The following H2BC18 variants were observed in gnomAD, a reference collection of about 807,000 sequenced individuals.
The protein encoded by H2BC18 is histone H2B type 2-F.
In H2BC18, 8 loss-of-function variants were observed where a neutral mutation model predicts 6.3. The ratio of observed to expected loss-of-function variants is 1.28; its 90% confidence interval spans 0.75 to 2.31. The LOEUF is 2.31. H2BC18 is among the 30% of genes most tolerant of loss of function. The pLI is 0.00. For missense variants in H2BC18, 106 were observed against 174.5 expected, an observed-to-expected ratio of 0.61 and a Z score of 2.21; for synonymous variants, 104 against 78.1, an observed-to-expected ratio of 1.33 and a Z score of -1.75.
At chr1:149,793,917 A>G in intron 1 of H2BC18, 1 of 1,286,440 alleles carries the variant, frequency 7.8e-7, no homozygotes, top group Non-Finnish European at 1.0e-6. Context: ...TCCTAGCTAA[A>G]TGCCTTCAGG....
At position 149,800,522 on chromosome 1, in the gene H2BC18, AACG is replaced by A. The variant is rs587748738; in HGVS notation, c.377+11422_377+11424del. 1.7e-3 allele frequency among the ~76,000 whole-genome samples: 243 copies of A among 143,208 alleles called. 2 individuals carry two copies. The highest frequency in any genetic ancestry group is 6.1e-3 in the African/African-American group (234 of 38,124). The allele number at this position is 143,208 out of a possible 152,430, so 94.0% of individuals were successfully genotyped here. A position where few individuals can be genotyped will look rare whatever the true frequency, so the allele number is the denominator to read the frequency against. ...CATCAGTCAACTCATTAATAAACAA[AACG>A]ACATCACACTTTGGTGTTTCTAAGG... On this transcript the variant is annotated intron_variant, in intron 1 of 1. Transcript: ENST00000545683.
intron 1 of H2BC18, among the ~76,000 whole-genome samples, chr1:149,799,527 C>T (rs2091839455): frequency 6.6e-6 from 1 of 151,998 alleles, no homozygotes; most frequent in Non-Finnish European, 1.5e-5. Context: ...TTGCATACTA[C>T]ACAATAGTAG....
intron 1 of H2BC18, chr1:149,793,294 G>C: frequency 8.4e-7 from 1 of 1,190,956 alleles, no homozygotes; most frequent in Non-Finnish European, 1.1e-6. Context: ...CCGCCTCCCC[G>C]TCCAGCTCGG....
chr1:149,799,351 G>C (rs1553753066), intron 1 of H2BC18, among the ~76,000 whole-genome samples: 1 of 152,198 alleles, frequency 6.6e-6, no homozygotes, highest in Non-Finnish European at 1.5e-5. Context: ...AATGTGTTTA[G>C]AAATTTCTCT....
intron 1 of H2BC18, among the ~76,000 whole-genome samples, chr1:149,788,822 C>T (rs1336807631): frequency 1.3e-5 from 2 of 152,142 alleles, no homozygotes; most frequent in Admixed American, 6.5e-5. Context: ...TCCAGTGTAC[C>T]GCAACCCCCA....
chr1:149,805,057 G>C (rs587747162), intron 1 of H2BC18, among the ~76,000 whole-genome samples: 1 of 152,212 alleles, frequency 6.6e-6, no homozygotes, highest in Non-Finnish European at 1.5e-5. Context: ...TGAGAGCCAC[G>C]TTATGTGTAT....
At chr1:149,789,827 G>A (rs2091655822) in intron 1 of H2BC18, among the ~76,000 whole-genome samples, 1 of 152,126 alleles carries the variant, frequency 6.6e-6, no homozygotes. Context: ...AAAGGTTGGG[G>A]ACCACTGGTA....
At chr1:149,788,700 T>G in intron 1 of H2BC18, 1 of 1,519,860 alleles carries the variant, frequency 6.6e-7, no homozygotes, top group Non-Finnish European at 9.0e-7. Context: ...TCACTTTAAT[T>G]TACAAGTGAA....
chr1:149,800,559 A>C (rs1344581329), intron 1 of H2BC18, among the ~76,000 whole-genome samples: 5 of 142,284 alleles, frequency 3.5e-5, no homozygotes, highest in Non-Finnish European at 7.6e-5. Context: ...GGATTTTAGG[A>C]GTTGTATGTC....
In H2BC18 at chr1:149,812,345, A is replaced by G. The variant is rs782473844; in HGVS notation, c.-22T>C. ...GCATTTTTGCGCGAAAAAAGAGAAA[A>G]GAGACTTAAAGAAGTAATCCGAACT... On this transcript the variant is annotated 5_prime_UTR_variant, in exon 1 of 1. Transcript: ENST00000369167. 1.2e-6 allele frequency: 2 copies of G among 1,614,058 alleles called. No individual in the cohort carries two copies. Among genetic ancestry groups the G allele is most frequent in the South Asian group, 2.2e-5 (2 of 91,084 alleles).
chr1:149,810,302 AT>A (rs1553754262), downstream of H2BC18: 5 of 152,020 alleles, frequency 3.3e-5, no homozygotes, highest in Admixed American at 1.3e-4. Context: ...TTCAACGGAA[AT>A]TTTGGATTCT....
downstream of H2BC18, among the ~76,000 whole-genome samples, chr1:149,808,973 GT>G (rs2091948284): frequency 6.8e-6 from 1 of 148,040 alleles, no homozygotes; most frequent in Non-Finnish European, 1.5e-5. Flanking sequence ...ACTGCACCCA[GT>G]TTTAAAATAC....
In H2BC18 at chr1:149,802,467, AAGACTTAACCCTTTGTATT is replaced by A. The variant is rs587733854; in HGVS notation, c.377+9461_377+9479del. ...TCCAGAGAGAAATTATAAGTAGTTTAAGACTTAACCCTTTGTATTAGAGTTCTCCAGAGGGACAAAACTA... is the reference window on the plus strand; with the variant it reads ...TCCAGAGAGAAATTATAAGTAGTTTAAGAGTTCTCCAGAGGGACAAAACTA... On this transcript the variant is annotated intron_variant, in intron 1 of 1. Coordinates refer to the H2BC18 transcript ENST00000545683. 1.9e-4 allele frequency among the ~76,000 whole-genome samples: 29 copies of A among 152,328 alleles called. No individual in the cohort carries two copies. The South Asian group carries it at 6.0e-3, about 32-fold the overall frequency.
At position 149,797,796 on chromosome 1, in the gene H2BC18, C is replaced by T. The variant is rs587596243; in HGVS notation, c.377+14151G>A. On this transcript the variant is annotated intron_variant, in intron 1 of 1. Coordinates refer to the H2BC18 transcript ENST00000545683. ...TATCTGTTGGAGACACAGGGTCCTG[C>T]CATGTTGTCCAGGCTGGTCTCCAAT... Among the ~76,000 whole-genome samples, 3 of 152,260 alleles carry T rather than the reference C, an allele frequency of 2.0e-5. No individual in the cohort carries two copies. The South Asian group carries it at 6.2e-4, about 32-fold the overall frequency.
At chr1:149,793,001 C>A in intron 1 of H2BC18, 1 of 1,273,600 alleles carries the variant, frequency 7.9e-7, no homozygotes, top group South Asian at 1.3e-5. Flanking sequence ...AGGCGCGTAG[C>A]TGAGTCCCTC....
At chr1:149,806,633 G>T (rs1198786377) in intron 1 of H2BC18, among the ~76,000 whole-genome samples, 1 of 152,038 alleles carries the variant, frequency 6.6e-6, no homozygotes, top group South Asian at 2.1e-4. Context: ...ATACCAAGAA[G>T]TGAGGAAAGA....
At chr1:149,798,533 A>G (rs1246132625) in intron 1 of H2BC18, among the ~76,000 whole-genome samples, 1 of 151,752 alleles carries the variant, frequency 6.6e-6, no homozygotes, top group Non-Finnish European at 1.5e-5. Context: ...CAAACAATTC[A>G]TGGTCATTCC....
At chr1:149,811,688 G>T (rs3005611), downstream of H2BC18, 3 of 591,282 alleles carry the variant, frequency 5.1e-6, no homozygotes, top group South Asian at 6.4e-5. Flanking sequence ...CAAACCTTTC[G>T]AATCTCGTAG....
intron 1 of H2BC18, among the ~76,000 whole-genome samples, chr1:149,799,262 C>T (rs1272268966): frequency 1.3e-5 from 2 of 150,202 alleles, no homozygotes; most frequent in African/African-American, 4.9e-5. Context: ...AATAATGCTT[C>T]GTGTCTTCTT....
Sources: allele counts gnomAD v4.1 joint callset (sites outside exome capture counted in the v4.1 genomes callset), GRCh38; gene constraint gnomAD v4.1.1; transcripts MANE v1.5; gene names NCBI Gene and HGNC (gene_info 2026-07-23, HGNC 2026-07-21).